Variants in INIP observed in about 807,000 individuals in gnomAD.
INIP encodes the protein INTS3 and NABP interacting protein.
INIP carries 9 observed loss-of-function variants against 14.0 expected under a neutral mutation model. That is an observed-to-expected ratio of 0.64 (90% CI 0.39 to 1.12). The LOEUF is 1.12. Ranked by LOEUF, INIP falls within the 50% of genes most tolerant of loss-of-function variation. The probability of loss-of-function intolerance (pLI) is 0.01; values close to 1 mark genes in which losing one functional copy is unlikely to be tolerated. For synonymous variants in INIP, 37 were observed against 41.5 expected, an observed-to-expected ratio of 0.89 and a Z score of 0.41; for missense variants, 78 against 122.7, an observed-to-expected ratio of 0.64 and a Z score of 1.72.
At chr9:112,690,227 A>G (rs1315193200) in intron 3 of INIP, among the ~76,000 whole-genome samples, 3 of 152,168 alleles carry the variant, frequency 2.0e-5, no homozygotes, top group Non-Finnish European at 4.4e-5. Context: ...GTGGTGGCTC[A>G]TGCCTGTAAT....
At chr9:112,715,400 C>T (rs950988108) in intron 2 of INIP, among the ~76,000 whole-genome samples, 4 of 152,136 alleles carry the variant, frequency 2.6e-5, no homozygotes, top group Admixed American at 6.5e-5. Flanking sequence ...ATACATTAAC[C>T]TTAGCTTACT....
intron 3 of INIP, among the ~76,000 whole-genome samples, chr9:112,691,155 T>C (rs1009862865): frequency 6.6e-6 from 1 of 152,086 alleles, no homozygotes; most frequent in African/African-American, 2.4e-5. Context: ...AGGCAAGAAA[T>C]GAGAGTGGCC....
chr9:112,687,739 AT>A (rs2131276557), intron 4 of INIP, 106 bp from the exon 5 acceptor site: 1 of 543,952 alleles, frequency 1.8e-6, no homozygotes, highest in Non-Finnish European at 3.2e-6. Flanking sequence ...GACCAAATTT[AT>A]TTGTTTATTC....
At chr9:112,690,664 T>C (rs1291430129) in intron 3 of INIP, among the ~76,000 whole-genome samples, 2 of 152,194 alleles carry the variant, frequency 1.3e-5, no homozygotes, top group Admixed American at 6.5e-5. Flanking sequence ...TAGACCTTGA[T>C]TGATGTAAGA....
chr9:112,688,634 A>T (rs1335971750), intron 4 of INIP, among the ~76,000 whole-genome samples: 2 of 152,172 alleles, frequency 1.3e-5, no homozygotes, highest in Admixed American at 1.3e-4. Context: ...CAGTCTGGGC[A>T]ACACAGTGAG....
intron 2 of INIP, among the ~76,000 whole-genome samples, chr9:112,695,841 GAGAAGAAGAAGGAGA>G (rs1564227566): frequency 7.0e-5 from 8 of 114,050 alleles, no homozygotes; most frequent in African/African-American, 2.9e-4. Context: ...GGAGAAGAAG[GAGAAGAAGAAGGAGA>G]AGAAGAAGGA....
intron 2 of INIP, among the ~76,000 whole-genome samples, chr9:112,696,103 G>A (rs1838083818): frequency 6.6e-6 from 1 of 151,334 alleles, no homozygotes; most frequent in Admixed American, 6.6e-5. Flanking sequence ...TGTTGCCCAG[G>A]CTGGTCTTGA....
At chr9:112,694,068 C>T in intron 3 of INIP, 63 bp downstream of exon 3, 2 of 1,107,680 alleles carry the variant, frequency 1.8e-6, no homozygotes, top group South Asian at 2.7e-5. Flanking sequence ...GGGCGAGACT[C>T]CGTCTCAAAA....
chr9:112,685,437 T>A lies in INIP; in HGVS notation c.*2101A>T, dbSNP rs372022820. On this transcript the variant is annotated 3_prime_UTR_variant, in exon 5 of 5. Transcript: ENST00000374242. The stretch of plus-strand genomic sequence containing the variant: ...TTATCTGTAGGTATTAATAAATACA[T>A]AGGAAATTGAATTGAATTTGTAACT... 51 of 152,096 alleles carry A rather than the reference T, an allele frequency of 3.4e-4. No homozygotes were observed. The highest frequency in any genetic ancestry group is 1.1e-3 in the African/African-American group (47 of 41,476). 9.4% of individuals were successfully genotyped at this position (152,096 alleles called of 1,614,324 possible).
rs1224200786 is a variant in INIP, at chr9:112,685,886, A to G, written c.*1652T>C. On this transcript the variant is annotated 3_prime_UTR_variant, in exon 5 of 5. Transcript: ENST00000374242. ...AATGGGGACAGTTGCCACCTCATCA[A>G]AATGAAGGAAATCAGTTCAAATTCT... The G allele has an allele frequency of 2.6e-5, 4 of 152,336 alleles. No individual in the cohort carries two copies. Among genetic ancestry groups the G allele is most frequent in the East Asian group, 3.9e-4 (2 of 5,182 alleles). 9.4% of individuals were successfully genotyped at this position (152,336 alleles called of 1,614,324 possible). A position where few individuals can be genotyped will look rare whatever the true frequency, so the allele number is the denominator to read the frequency against.
chr9:112,690,629 C>A (rs1711745), intron 3 of INIP, among the ~76,000 whole-genome samples: 19,952 of 152,164 alleles, frequency 0.13, 1,573 homozygotes, highest in African/African-American at 0.21. Context: ...TGCTTCAAGG[C>A]AGGCCAGGCT....
At chr9:112,704,267 A>G (rs544787945) in intron 2 of INIP, among the ~76,000 whole-genome samples, 74 of 152,344 alleles carry the variant, frequency 4.9e-4, no homozygotes, top group African/African-American at 1.7e-3. Flanking sequence ...CCGAGTAGAC[A>G]TTGTGAGTTC....
At chr9:112,687,670 TTAAA>T (rs756446451) in intron 4 of INIP, 37 bp from the exon 5 acceptor site, 1 of 1,206,090 alleles carries the variant, frequency 8.3e-7, no homozygotes, top group Non-Finnish European at 1.2e-6. Flanking sequence ...AATTAAGCTA[TTAAA>T]TAGAGTCACA....
intron 2 of INIP, among the ~76,000 whole-genome samples, chr9:112,704,052 A>G (rs1444741597): frequency 1.3e-5 from 2 of 152,214 alleles, no homozygotes; most frequent in Non-Finnish European, 2.9e-5. Flanking sequence ...TCTATTTATG[A>G]AGTATAGCCG....
At chr9:112,707,834 G>A (rs1838528768) in intron 2 of INIP, among the ~76,000 whole-genome samples, 1 of 152,136 alleles carries the variant, frequency 6.6e-6, no homozygotes, top group African/African-American at 2.4e-5. Flanking sequence ...CCATAGTTGA[G>A]ACACCTATGT....
At chr9:112,698,303 CAAAAA>C (rs755265359) in intron 2 of INIP, among the ~76,000 whole-genome samples, 8 of 43,668 alleles carry the variant, frequency 1.8e-4, no homozygotes, top group Non-Finnish European at 2.9e-4. Flanking sequence ...GACTCTGTCT[CAAAAA>C]AAAAAAAAAA....
Position 112,685,358 on chromosome 9 carries a change from A to T in INIP, c.*2180T>A, listed in dbSNP as rs1588066441. On this transcript the variant is annotated 3_prime_UTR_variant, in exon 5 of 5. Coordinates refer to ENST00000374242, the MANE Select transcript of INIP (RefSeq NM_021218.3). The stretch of plus-strand genomic sequence containing the variant: ...CCAGAATAGGATCCTCTGCACGGTG[A>T]CCTCCTAAAAGAGCAGGTACCAGTC... 1 of 151,516 alleles carries T rather than the reference A, an allele frequency of 6.6e-6. No individual in the cohort carries two copies. Among genetic ancestry groups the T allele is most frequent in the East Asian group, 1.9e-4 (1 of 5,166 alleles). The allele number at this position is 151,516 out of a possible 1,614,324, so 9.4% of individuals were successfully genotyped here.
At chr9:112,696,040 A>T (rs1009361464) in intron 2 of INIP, among the ~76,000 whole-genome samples, 1 of 151,500 alleles carries the variant, frequency 6.6e-6, no homozygotes, top group Non-Finnish European at 1.5e-5. Flanking sequence ...GGTGTGAGCC[A>T]GCATGCCCTA....
intron 4 of INIP, 42 bp from the exon 5 acceptor site, chr9:112,687,675 T>C: frequency 8.5e-7 from 1 of 1,177,454 alleles, no homozygotes; most frequent in Non-Finnish European, 1.2e-6. Flanking sequence ...AGCTATTAAA[T>C]AGAGTCACAA....
Sources: allele counts gnomAD v4.1 joint callset (sites outside exome capture counted in the v4.1 genomes callset), GRCh38; gene constraint gnomAD v4.1.1; transcripts MANE v1.5; gene names NCBI Gene and HGNC (gene_info 2026-07-23, HGNC 2026-07-21).